The following PHAF1 variants were observed in gnomAD, a reference collection of about 807,000 sequenced individuals.
PHAF1 encodes phagosome assembly factor 1.
PHAF1 carries 23 observed loss-of-function variants against 63.1 expected under a neutral mutation model. That is an observed-to-expected ratio of 0.36 (90% CI 0.26 to 0.52). The LOEUF is 0.52. PHAF1 is among the 20% of genes least tolerant of loss of function. PHAF1 has a pLI of 0.93. For synonymous variants in PHAF1, 167 were observed against 185.0 expected (o/e 0.90, Z 0.79); for missense variants, 427 against 517.2 (o/e 0.83, Z 1.69).
At chr16:67,131,115 A>T (rs746512073) in intron 3 of PHAF1, among the ~76,000 whole-genome samples, 171 bp from the exon 4 acceptor site, 71 of 152,018 alleles carry the variant, frequency 4.7e-4, no homozygotes, top group Non-Finnish European at 6.9e-4. Flanking sequence ...AAAAGTTTTT[A>T]AAAAAATTTT....
In PHAF1 at chr16:67,133,501, TA is replaced by T. The variant is rs757439473; in HGVS notation, c.450+611del. On this transcript the variant is annotated intron_variant, in intron 6 of 15. Transcript: ENST00000219139. ...GAAACCCTGTCTCTACCAAAAATAT[TA>T]AAAAAAAAAAAAAAAAAAAACAGGC... 7.3e-3 allele frequency among the ~76,000 whole-genome samples: 729 copies of T among 99,768 alleles called. 2 individuals are homozygous for T. The highest frequency in any genetic ancestry group is 0.019 in the African/African-American group (532 of 27,838). 65.5% of individuals were successfully genotyped at this position (99,768 alleles called of 152,430 possible). A position where few individuals can be genotyped will look rare whatever the true frequency, so the allele number is the denominator to read the frequency against.
intron 2 of PHAF1, among the ~76,000 whole-genome samples, chr16:67,121,449 G>A (rs571733013): frequency 6.9e-5 from 10 of 145,634 alleles, no homozygotes; most frequent in African/African-American, 2.3e-4. Flanking sequence ...TGATCTGCCC[G>A]CCTCGACCTC....
Position 67,145,608 on chromosome 16 carries a change from G to A in PHAF1, c.1089G>A (p.Glu363=). ...AGGAGCTCCTGGGCCACCCTGTGGA[G>A]AAGCCTGTTGTCCTGCACAGGTGAG... ...NIQELLGHPV[E]KPVVLHRSSS... is the part of the protein sequence containing the mutation. Residue 363 remains glutamate (E), a synonymous_variant, in exon 14 of 16, where the codon GAG becomes GAA. Transcript: ENST00000219139. 1.2e-6 allele frequency: 2 copies of A among 1,613,986 alleles called. No homozygotes were observed. Among genetic ancestry groups the A allele is most frequent in the Admixed American group, 1.7e-5 (1 of 59,986 alleles).
At chr16:67,132,105 T>C (rs1963425637) in intron 4 of PHAF1, 1 of 187,868 alleles carries the variant, frequency 5.3e-6, no homozygotes, top group African/African-American at 2.4e-5. Context: ...CAAGCAAATG[T>C]GTGGTACCAC....
At chr16:67,122,004 C>T (rs1243951682) in intron 2 of PHAF1, among the ~76,000 whole-genome samples, 1 of 152,064 alleles carries the variant, frequency 6.6e-6, no homozygotes, top group Non-Finnish European at 1.5e-5. Context: ...CTCAAGTGAT[C>T]CTCCCACCTC....
intron 4 of PHAF1, chr16:67,131,867 T>A (rs966860282): frequency 6.6e-6 from 1 of 151,492 alleles, no homozygotes; most frequent in African/African-American, 2.4e-5. Flanking sequence ...CTCCTTCCTT[T>A]CTTTCTTTCT....
At chr16:67,116,826 G>A (rs1962750703) in intron 1 of PHAF1, among the ~76,000 whole-genome samples, 1 of 152,072 alleles carries the variant, frequency 6.6e-6, no homozygotes, top group South Asian at 2.1e-4. Flanking sequence ...CTCCAGCCTG[G>A]GTGACACAGT....
chr16:67,146,644 G>A (rs1390639701), intron 15 of PHAF1, among the ~76,000 whole-genome samples: 1 of 152,208 alleles, frequency 6.6e-6, no homozygotes, highest in Non-Finnish European at 1.5e-5. Context: ...AGCAGGGAAG[G>A]GAACCACAGG....
intron 2 of PHAF1, among the ~76,000 whole-genome samples, chr16:67,121,246 G>GTGGCACAA (rs1194497145): frequency 1.3e-5 from 2 of 148,192 alleles, no homozygotes; most frequent in Non-Finnish European, 3.0e-5. Flanking sequence ...CTAGAGTGCA[G>GTGGCACAA]TGGCACAATC....
intron 14 of PHAF1, among the ~76,000 whole-genome samples, chr16:67,146,033 T>A (rs2030026947): frequency 6.6e-6 from 1 of 152,084 alleles, no homozygotes; most frequent in South Asian, 2.1e-4. Flanking sequence ...CCCTCTTGAC[T>A]CCTCGCCACC....
chr16:67,145,255 A>G (rs766617819), intron 12 of PHAF1, 121 bp from the exon 13 acceptor site: 16 of 1,126,978 alleles, frequency 1.4e-5, no homozygotes, highest in Non-Finnish European at 2.1e-5. Context: ...ACAGCCTGTT[A>G]ATCCTCCCCA....
At chr16:67,131,012 G>A (rs567495651) in intron 3 of PHAF1, among the ~76,000 whole-genome samples, 1 of 152,226 alleles carries the variant, frequency 6.6e-6, no homozygotes, top group East Asian at 1.9e-4. Flanking sequence ...CAGCACTTTG[G>A]GAGGCTAAGA....
chr16:67,138,874 T>A (rs1464105557), intron 8 of PHAF1, among the ~76,000 whole-genome samples: 1 of 152,118 alleles, frequency 6.6e-6, no homozygotes, highest in Non-Finnish European at 1.5e-5. Context: ...GATAGAGCAG[T>A]TTTACAGGTT....
intron 14 of PHAF1, 23 bp from the exon 15 acceptor site, chr16:67,146,255 A>G (rs2030054962): frequency 6.2e-7 from 1 of 1,606,482 alleles, no homozygotes. Context: ...CTGCCTCTCT[A>G]ATTCTGAATT....
chr16:67,120,314 T>G, intron 2 of PHAF1, 120 bp downstream of exon 2: 19 of 846,982 alleles, frequency 2.2e-5, no homozygotes, highest in Non-Finnish European at 3.3e-5. Context: ...GGAGAATCTC[T>G]AGCACCAGCC....
intron 8 of PHAF1, among the ~76,000 whole-genome samples, chr16:67,136,547 T>C (rs1194404685): frequency 6.8e-6 from 1 of 147,980 alleles, no homozygotes; most frequent in Non-Finnish European, 1.5e-5. Context: ...CTCTGAGGCA[T>C]TGATTCCTTT....
At chr16:67,134,636 G>A in intron 8 of PHAF1, 169 bp downstream of exon 8, 1 of 716,316 alleles carries the variant, frequency 1.4e-6, no homozygotes, top group South Asian at 1.4e-5. Flanking sequence ...AGTTCTGGAG[G>A]CTGGGAAGTC....
chr16:67,109,980 G>A lies in PHAF1; in HGVS notation c.-196G>A. 1 of 535,930 alleles carries A rather than the reference G, an allele frequency of 1.9e-6. No individual in the cohort carries two copies. The highest frequency in any genetic ancestry group is 3.3e-6 in the Non-Finnish European group (1 of 307,532). The allele number at this position is 535,930 out of a possible 1,614,324, so 33.2% of individuals were successfully genotyped here. A position where few individuals can be genotyped will look rare whatever the true frequency, so the allele number is the denominator to read the frequency against. On this transcript the variant is annotated 5_prime_UTR_variant, in exon 1 of 16. Transcript: ENST00000219139. ...CGCCGTCGTTGCCCCCGCTGCCGCG[G>A]CTGCTGCAGGTGAGGTGAAGTGAGG...
intron 15 of PHAF1, 91 bp from the exon 16 acceptor site, chr16:67,146,954 G>C: frequency 8.4e-7 from 1 of 1,191,872 alleles, no homozygotes; most frequent in Non-Finnish European, 1.2e-6. Context: ...TTAGGTGCAG[G>C]TATGTCACAC....
Sources: gnomAD v4.1 joint callset for allele counts (sites outside exome capture counted in the v4.1 genomes callset) on GRCh38, gnomAD v4.1.1 for gene constraint, MANE v1.5 for transcripts, NCBI Gene and HGNC (gene_info 2026-07-23, HGNC 2026-07-21) for gene names.